ALCAM: variants seen among roughly 807,000 people sequenced by gnomAD.
The protein encoded by ALCAM is activated leukocyte cell adhesion molecule.
In ALCAM, 30 loss-of-function variants were observed where a neutral mutation model predicts 70.9. That is an observed-to-expected ratio of 0.42 (90% CI 0.32 to 0.57). The LOEUF (loss-of-function observed/expected upper bound fraction) is 0.57. Ranked by LOEUF, ALCAM falls within the 20% of genes least tolerant of loss-of-function variation. The pLI is 0.11. For missense variants in ALCAM, 591 were observed against 695.1 expected (o/e 0.85, Z 1.68); for synonymous variants, 249 against 242.5 (o/e 1.03, Z -0.25).
At chr3:105,478,646 T>C (rs940294766) in intron 1 of ALCAM, among the ~76,000 whole-genome samples, 1 of 152,166 alleles carries the variant, frequency 6.6e-6, no homozygotes, top group Non-Finnish European at 1.5e-5. Flanking sequence ...TTAAATTTTT[T>C]CATGTGTTAT....
At chr3:105,398,573 A>C (rs551541156) in intron 1 of ALCAM, among the ~76,000 whole-genome samples, 8 of 152,234 alleles carry the variant, frequency 5.3e-5, no homozygotes, top group African/African-American at 1.7e-4. Context: ...TGTGATGGCC[A>C]GTGGTTCATT....
chr3:105,515,000 T>C (rs1939343495), intron 1 of ALCAM, among the ~76,000 whole-genome samples: 1 of 151,954 alleles, frequency 6.6e-6, no homozygotes, highest in Non-Finnish European at 1.5e-5. Context: ...AGGTAACTTC[T>C]CTAACTCAGC....
intron 7 of ALCAM, among the ~76,000 whole-genome samples, 155 bp downstream of exon 7, chr3:105,540,257 T>A (rs936644890): frequency 6.6e-6 from 1 of 152,008 alleles, no homozygotes; most frequent in African/African-American, 2.4e-5. Flanking sequence ...CACCTGCCAC[T>A]GTTCTTGCCT....
chr3:105,454,653 A>ATTTTTTTTTTTTTTTTTTT (rs59389132), intron 1 of ALCAM, among the ~76,000 whole-genome samples: 13 of 61,792 alleles, frequency 2.1e-4, no homozygotes, highest in Admixed American at 2.9e-4. Flanking sequence ...ATGCTCATTA[A>ATTTTTTTTTTTTTTTTTTT]TTTTTTTTTT....
chr3:105,433,939 G>A (rs1936994047), intron 1 of ALCAM, among the ~76,000 whole-genome samples: 1 of 149,164 alleles, frequency 6.7e-6, no homozygotes, highest in East Asian at 2.0e-4. Flanking sequence ...AGAAAACTGA[G>A]TAATTAAGAT....
intron 14 of ALCAM, among the ~76,000 whole-genome samples, chr3:105,559,684 C>T (rs1940593206): frequency 6.6e-6 from 1 of 152,122 alleles, no homozygotes; most frequent in Non-Finnish European, 1.5e-5. Flanking sequence ...ATTACATCAC[C>T]CCCAGAAAGT....
At chr3:105,412,170 G>A (rs1936406748) in intron 1 of ALCAM, among the ~76,000 whole-genome samples, 1 of 152,074 alleles carries the variant, frequency 6.6e-6, no homozygotes, top group Non-Finnish European at 1.5e-5. Flanking sequence ...GTTTTATAAA[G>A]TAATTCTTAA....
At chr3:105,523,139 CAAAAAAA>C (rs59478384) in intron 2 of ALCAM, among the ~76,000 whole-genome samples, 20 of 87,016 alleles carry the variant, frequency 2.3e-4, no homozygotes, top group African/African-American at 3.9e-4. Flanking sequence ...GACTCCGTCT[CAAAAAAA>C]AAAAAAAAAA....
chr3:105,413,601 T>A (rs1936440549), intron 1 of ALCAM, among the ~76,000 whole-genome samples: 1 of 152,140 alleles, frequency 6.6e-6, no homozygotes, highest in South Asian at 2.1e-4. Flanking sequence ...AGTTGTAATC[T>A]GTAAAATGAG....
Position 105,374,154 on chromosome 3 carries a change from T to C in ALCAM, c.73+6673T>C, listed in dbSNP as rs544276944. On this transcript the variant is annotated intron_variant, in intron 1 of 15. Coordinates refer to ENST00000306107, the MANE Select transcript of ALCAM (RefSeq NM_001627.4). ...TATTATACTTAATGAATCCAAACACTTTCTTTTATGGTGAAAGTAAGTGGC... is the reference window on the plus strand; with the variant it reads ...TATTATACTTAATGAATCCAAACACCTTCTTTTATGGTGAAAGTAAGTGGC... 1.2e-4 allele frequency among the ~76,000 whole-genome samples: 19 copies of C among 152,314 alleles called. No individual in the cohort carries two copies. The East Asian group carries it at 3.1e-3, about 25-fold the overall frequency.
chr3:105,367,563 C>T, intron 1 of ALCAM, 82 bp downstream of exon 1: 1 of 1,518,850 alleles, frequency 6.6e-7, no homozygotes, highest in Non-Finnish European at 9.1e-7. Flanking sequence ...CTCGCACCCC[C>T]GAGGCAGTGC....
chr3:105,563,204 C>CAA (rs781415771), intron 14 of ALCAM, among the ~76,000 whole-genome samples: 3 of 75,520 alleles, frequency 4.0e-5, no homozygotes, highest in South Asian at 3.9e-4. Flanking sequence ...GACATTTTTG[C>CAA]AAAAAAAAAA....
intron 2 of ALCAM, among the ~76,000 whole-genome samples, chr3:105,522,281 A>G (rs1271301115): frequency 6.6e-6 from 1 of 152,196 alleles, no homozygotes; most frequent in Non-Finnish European, 1.5e-5. Flanking sequence ...TCTAAAGTCA[A>G]TCTTGATTTG....
intron 1 of ALCAM, among the ~76,000 whole-genome samples, chr3:105,424,795 A>G (rs1333406884): frequency 6.6e-6 from 1 of 151,774 alleles, no homozygotes; most frequent in African/African-American, 2.4e-5. Context: ...CCAGAAAACC[A>G]TAGATATTTA....
intron 2 of ALCAM, among the ~76,000 whole-genome samples, chr3:105,521,906 G>A (rs1193287920): frequency 1.3e-5 from 2 of 152,208 alleles, no homozygotes; most frequent in East Asian, 3.9e-4. Flanking sequence ...TCCTATAAAT[G>A]TGGAAATGTG....
chr3:105,451,583 T>C lies in ALCAM; in HGVS notation c.74-68484T>C, dbSNP rs569492233. 4.6e-5 allele frequency among the ~76,000 whole-genome samples: 7 copies of C among 152,094 alleles called. No individual in the cohort carries two copies. The South Asian group carries it at 1.2e-3, about 27-fold the overall frequency. On this transcript the variant is annotated intron_variant, in intron 1 of 15. Transcript: ENST00000306107. ...AGCAGGTCTACAAAACAAAACAGACTTTGAGGGAAAATAAAAGCATTAAAA... is the reference window on the plus strand; with the variant it reads ...AGCAGGTCTACAAAACAAAACAGACCTTGAGGGAAAATAAAAGCATTAAAA...
At chr3:105,371,920 C>T (rs1263889885) in intron 1 of ALCAM, among the ~76,000 whole-genome samples, 3 of 152,108 alleles carry the variant, frequency 2.0e-5, no homozygotes, top group Admixed American at 1.3e-4. Context: ...GTTAAGTATT[C>T]ACAGAGGCTA....
chr3:105,393,492 T>C (rs1459018297), intron 1 of ALCAM, among the ~76,000 whole-genome samples: 2 of 151,880 alleles, frequency 1.3e-5, no homozygotes, highest in Non-Finnish European at 2.9e-5. Flanking sequence ...AATGGATTAT[T>C]TTAAAAGCTG....
chr3:105,456,003 T>C (rs1937531329), intron 1 of ALCAM, among the ~76,000 whole-genome samples: 2 of 152,016 alleles, frequency 1.3e-5, no homozygotes, highest in Admixed American at 1.3e-4. Flanking sequence ...CGCTCGAGCC[T>C]GGGAGGCGAA....
Sources: allele counts gnomAD v4.1 joint callset (sites outside exome capture counted in the v4.1 genomes callset), GRCh38; gene constraint gnomAD v4.1.1; transcripts MANE v1.5; gene names NCBI Gene and HGNC (gene_info 2026-07-23, HGNC 2026-07-21).